KLHL17: variants seen among roughly 807,000 people sequenced by gnomAD.
KLHL17 encodes the protein kelch-like protein 17.
In KLHL17, 71 loss-of-function variants were observed where a neutral mutation model predicts 64.6. The ratio of observed to expected loss-of-function variants is 1.10; its 90% confidence interval spans 0.91 to 1.34. The LOEUF (loss-of-function observed/expected upper bound fraction) is 1.34. Ranked by LOEUF, KLHL17 falls within the 40% of genes most tolerant of loss-of-function variation. KLHL17 has a pLI of 0.00. For missense variants in KLHL17, 1,140 were observed against 935.0 expected (o/e 1.22, Z -2.86); for synonymous variants, 612 against 405.4 (o/e 1.51, Z -6.12).
At chr1:962,605 CCAT>C in intron 5 of KLHL17, 96 bp from the exon 6 acceptor site, 1 of 1,520,644 alleles carries the variant, frequency 6.6e-7, no homozygotes, top group East Asian at 2.3e-5. Flanking sequence ...GAAGAAGAAT[CCAT>C]CACACAGGTG....
chr1:963,124 T>C lies in KLHL17; in HGVS notation c.1058T>C (p.Phe353Ser), dbSNP rs1344014885. 6.2e-7 allele frequency: 1 copy of C among 1,612,046 alleles called. No homozygotes were observed. The highest frequency in any genetic ancestry group is 8.5e-7 in the Non-Finnish European group (1 of 1,179,580). Residue 353 changes from phenylalanine to serine, a missense_variant, in exon 7 of 12, where the codon TTT (phenylalanine) becomes TCT (serine). Physicochemically the swap from Phe to Ser is radical, Grantham distance 155. Coordinates refer to ENST00000338591, the MANE Select transcript of KLHL17 (RefSeq NM_198317.3). ...CCCTCCCCAGGCGGCGGGAGCCTGT[T>C]TGCCATCCACGGAGACTGTGAGGCC... ...VLFAVGGGSLFAIHGDCEAYD... is the reference protein window; with the variant it reads ...VLFAVGGGSLSAIHGDCEAYD...
intron 8 of KLHL17, 60 bp from the exon 9 acceptor site, chr1:963,860 C>T: frequency 1.3e-6 from 2 of 1,557,544 alleles, no homozygotes; most frequent in Non-Finnish European, 1.8e-6. Context: ...AGGGCAGGTC[C>T]TGGGGCCGGG....
chr1:961,740 G>T lies in KLHL17; in HGVS notation c.479G>T (p.Gly160Val), dbSNP rs28530579. 6.2e-7 allele frequency: 1 copy of T among 1,611,770 alleles called. No individual in the cohort carries two copies. Among genetic ancestry groups the T allele is most frequent in the Non-Finnish European group, 8.5e-7 (1 of 1,179,472 alleles). ...ACGGCTGAGATTGTGGTGGGCGAGGGCAATGTGCAGGTGAGGGCTCCCTCA... is the reference window on the plus strand; with the variant it reads ...ACGGCTGAGATTGTGGTGGGCGAGGTCAATGTGCAGGTGAGGGCTCCCTCA... Reference protein sequence around the residue: ...AYTAEIVVGEGNVQTLLPAAS... With the variant: ...AYTAEIVVGEVNVQTLLPAAS... The change falls in exon 3 of 12, where the codon GGC (glycine) becomes GTC (valine). Residue 160 changes from glycine (G) to valine (V), a missense_variant. Coordinates refer to ENST00000338591, the MANE Select transcript of KLHL17 (RefSeq NM_198317.3).
chr1:960,891 C>T (rs112905931), intron 1 of KLHL17, 91 bp downstream of exon 1: 536,377 of 889,228 alleles, frequency 0.6, 169,924 homozygotes, highest in Non-Finnish European at 0.65. Flanking sequence ...GCGGGGGCCG[C>T]TTCCGAGGGC....
intron 5 of KLHL17, 24 bp downstream of exon 5, chr1:962,495 C>A: frequency 6.2e-7 from 1 of 1,610,166 alleles, no homozygotes; most frequent in Non-Finnish European, 8.5e-7. Context: ...GCGGGGGGCT[C>A]CCACAGCATC....
At chr1:964,891 C>T in intron 11 of KLHL17, 72 bp from the exon 12 acceptor site, 3 of 1,158,452 alleles carry the variant, frequency 2.6e-6, no homozygotes, top group Non-Finnish European at 3.7e-6. Flanking sequence ...CCGCCACCAC[C>T]CCTTTTTGTG....
At chr1:964,069 C>T (rs1170459678) in intron 9 of KLHL17, 38 bp from the exon 10 acceptor site, 17 of 1,612,396 alleles carry the variant, frequency 1.1e-5, no homozygotes, top group Admixed American at 3.3e-5. Context: ...AGACCCCACT[C>T]CCAGCAGGAG....
chr1:963,878 T>G, intron 8 of KLHL17, 42 bp from the exon 9 acceptor site: 1 of 1,600,200 alleles, frequency 6.2e-7, no homozygotes, highest in Non-Finnish European at 8.5e-7. Context: ...GGGACGCCTT[T>G]CTGTCTCTGC....
At chr1:961,146 G>C in intron 1 of KLHL17, 147 bp from the exon 2 acceptor site, 2 of 453,596 alleles carry the variant, frequency 4.4e-6, no homozygotes, top group Non-Finnish European at 6.3e-6. Context: ...TCCGGGGCGG[G>C]GGTCCTTGGC....
chr1:962,873 G>A lies in KLHL17; in HGVS notation c.998G>A (p.Arg333His), dbSNP rs765312887. 4.2e-5 allele frequency: 66 copies of A among 1,581,776 alleles called. No homozygotes were observed. Among genetic ancestry groups the A allele is most frequent in the Middle Eastern group, 1.7e-4 (1 of 5,980 alleles). ...QRGVLGTSRTRPRRCEGAGPV... is the reference protein window; with the variant it reads ...QRGVLGTSRTHPRRCEGAGPV... ...GGCGTCCTAGGCACCAGCCGCACAC[G>A]TCCCCGGCGCTGCGAGGGGGCCGGG... The change falls in exon 6 of 12, where the codon CGT (arginine) becomes CAT (histidine). Residue 333 changes from arginine to histidine, a missense_variant. Transcript: ENST00000338591.
At chr1:962,524 G>A (rs1256488816) in intron 5 of KLHL17, 53 bp downstream of exon 5, 4 of 1,598,870 alleles carry the variant, frequency 2.5e-6, no homozygotes, top group Middle Eastern at 1.8e-4. Flanking sequence ...CATGCAGGTG[G>A]CTGAGGGCCT....
Position 965,303 on chromosome 1 carries a change from C to A in KLHL17, c.*112C>A. The A allele has an allele frequency of 1.2e-6, 1 of 812,906 alleles. No homozygotes were observed. The highest frequency in any genetic ancestry group is 1.9e-6 in the Non-Finnish European group (1 of 522,020). 50.4% of individuals were successfully genotyped at this position (812,906 alleles called of 1,614,324 possible). A position where few individuals can be genotyped will look rare whatever the true frequency, so the allele number is the denominator to read the frequency against. ...CGTCTCTGCATCCATTCCTTCATGT[C>A]TTTATTTAGTTGTTTATTTATTTAG... On this transcript the variant is annotated 3_prime_UTR_variant, in exon 12 of 12. Coordinates refer to ENST00000338591, the MANE Select transcript of KLHL17 (RefSeq NM_198317.3).
In KLHL17 at chr1:962,736, C is replaced by G. The variant is rs763172309; in HGVS notation, c.861C>G (p.Ser287Arg). 6 of 1,608,888 alleles carry G rather than the reference C, an allele frequency of 3.7e-6. No homozygotes were observed. Among genetic ancestry groups the G allele is most frequent in the Non-Finnish European group, 3.4e-6 (4 of 1,179,144 alleles). Residue 287 changes from serine to arginine, a missense_variant, in exon 6 of 12, where the codon AGC becomes AGG. Physicochemically the swap from Ser to Arg is moderately radical, Grantham distance 110 (BLOSUM62 -1). Transcript: ENST00000338591. ...LMKCVRLPLL[S>R]RDFLLGHVDA... ...AGTGTGTGCGGCTGCCCTTGCTGAG[C>G]CGCGACTTCCTGCTGGGCCACGTGG...
At position 961,901 on chromosome 1, in the gene KLHL17, C is replaced by T; in HGVS notation, c.565C>T (p.Leu189Phe). The T allele has an allele frequency of 5.0e-6, 8 of 1,612,868 alleles. No homozygotes were observed. The highest frequency in any genetic ancestry group is 6.8e-6 in the Non-Finnish European group (8 of 1,180,024). The change falls in exon 4 of 12, where the codon CTC becomes TTC. Residue 189 changes from leucine to phenylalanine, a missense_variant. Leu to Phe is a conservative substitution (Grantham distance 22). Transcript: ENST00000338591. ...DACCKFLLSQ[L>F]DPSNCLGIRG... ...TTGCTGCAAGTTTCTACTGAGTCAGCTCGACCCCTCCAACTGCCTGGGTAT... is the reference window on the plus strand; with the variant it reads ...TTGCTGCAAGTTTCTACTGAGTCAGTTCGACCCCTCCAACTGCCTGGGTAT...
rs551268560 is a variant in KLHL17, at chr1:963,329, T to C, written c.1188-8T>C. On this transcript the variant is annotated splice_polypyrimidine_tract_variant and splice_region_variant and intron_variant, in intron 7 of 11. Coordinates refer to ENST00000338591, the MANE Select transcript of KLHL17 (RefSeq NM_198317.3). Reference sequence around the variant, plus strand: ...CAGTCTTGACCTGCAGTGGCTTAATTCCGCTAGCTATGATGGGACCTCAGA... The same window carrying C: ...CAGTCTTGACCTGCAGTGGCTTAATCCCGCTAGCTATGATGGGACCTCAGA... The C allele has an allele frequency of 6.2e-7, 1 of 1,605,774 alleles. No individual in the cohort carries two copies. The highest frequency in any genetic ancestry group is 8.5e-7 in the Non-Finnish European group (1 of 1,174,420).
rs746735040 is a variant in KLHL17, at chr1:965,685, G to A, written c.*494G>A. ...ACTGGGACCCCACACAGCAATACGA[G>A]TCCAACTTAATAAACACATTTCTGG... On this transcript the variant is annotated 3_prime_UTR_variant, in exon 12 of 12. Transcript: ENST00000338591. 22 of 161,126 alleles carry A rather than the reference G, an allele frequency of 1.4e-4. No individual in the cohort carries two copies. Among genetic ancestry groups the A allele is most frequent in the Non-Finnish European group, 2.7e-5 (2 of 74,292 alleles). 10.0% of individuals were successfully genotyped at this position (161,126 alleles called of 1,614,324 possible).
chr1:963,621 G>T (rs567011450), intron 8 of KLHL17, 117 bp downstream of exon 8: 4 of 1,232,740 alleles, frequency 3.2e-6, no homozygotes, highest in Non-Finnish European at 4.4e-6. Flanking sequence ...CCGCGAGGCC[G>T]TTTCACCCCA....
chr1:962,630 T>C, intron 5 of KLHL17, 74 bp from the exon 6 acceptor site: 1 of 1,527,952 alleles, frequency 6.5e-7, no homozygotes. Context: ...TACGGGCATC[T>C]GGGGGGTTGT....
At position 965,114 on chromosome 1, in the gene KLHL17, G is replaced by T; in HGVS notation, c.1852G>T (p.Gly618Cys). 6.2e-7 allele frequency: 1 copy of T among 1,612,702 alleles called. No homozygotes were observed. The highest frequency in any genetic ancestry group is 1.3e-5 in the African/African-American group (1 of 74,982). The change falls in exon 12 of 12, where the codon GGT (glycine) becomes TGT (cysteine). Residue 618 changes from glycine (G) to cysteine (C), a missense_variant. Gly to Cys is a radical substitution (Grantham distance 159). Coordinates refer to ENST00000338591, the MANE Select transcript of KLHL17 (RefSeq NM_198317.3). ...SCMFTRRSSV[G>C]VAVLELLNFP... is the part of the protein sequence containing the mutation. The stretch of plus-strand genomic sequence containing the variant: ...CATGTTCACCCGGCGCAGCAGTGTG[G>T]GTGTGGCGGTGCTGGAGCTGCTCAA...
Sources: allele counts gnomAD v4.1 joint callset, GRCh38; gene constraint gnomAD v4.1.1; transcripts MANE v1.5; gene names NCBI Gene and HGNC (gene_info 2026-07-23, HGNC 2026-07-21).